KMT2E: variants seen among roughly 807,000 people sequenced by gnomAD.
KMT2E encodes lysine methyltransferase 2E (inactive), also known as histone reader KMT2E.
In KMT2E, 30 loss-of-function variants were observed where a neutral mutation model predicts 184.6. The ratio of observed to expected loss-of-function variants is 0.16; its 90% CI spans 0.12 to 0.22. The LOEUF (loss-of-function observed/expected upper bound fraction) is 0.22, where lower values mean the gene tolerates loss of function less well. Among genes scored for constraint, KMT2E ranks in the 10% least tolerant of loss-of-function variants. The probability of loss-of-function intolerance (pLI) is 1.00; values close to 1 mark genes in which losing one functional copy is unlikely to be tolerated. For synonymous variants in KMT2E, 815 were observed against 776.5 expected, an observed-to-expected ratio of 1.05 and a Z score of -0.82; for missense variants, 2,023 against 2,237.4, an observed-to-expected ratio of 0.90 and a Z score of 1.93.
intron 3 of KMT2E, among the ~76,000 whole-genome samples, chr7:105,042,344 A>C (rs1795917830): frequency 6.8e-6 from 1 of 147,892 alleles, no homozygotes; most frequent in African/African-American, 2.6e-5. Context: ...TTTCGTACTT[A>C]ATCATAAACA....
chr7:105,079,708 A>G (rs1465433536), intron 12 of KMT2E, among the ~76,000 whole-genome samples: 1 of 150,332 alleles, frequency 6.7e-6, no homozygotes, highest in Non-Finnish European at 1.5e-5. Flanking sequence ...AAATTTTTGC[A>G]GAGATGGAGT....
chr7:105,026,001 AC>A (rs1795162357), intron 1 of KMT2E, among the ~76,000 whole-genome samples: 1 of 152,202 alleles, frequency 6.6e-6, no homozygotes. Flanking sequence ...GGAACAAGAA[AC>A]CAGAATTCTA....
chr7:105,042,523 C>T (rs1345780910), intron 3 of KMT2E, among the ~76,000 whole-genome samples: 1 of 152,108 alleles, frequency 6.6e-6, no homozygotes, highest in African/African-American at 2.4e-5. Flanking sequence ...ATAAGAAATG[C>T]AGCTCAAGGA....
intron 13 of KMT2E, among the ~76,000 whole-genome samples, chr7:105,083,235 A>C (rs1349872971): frequency 6.6e-6 from 1 of 152,154 alleles, no homozygotes; most frequent in Non-Finnish European, 1.5e-5. Context: ...CCAGACTTTC[A>C]TGATCTTCTC....
chr7:105,092,076 G>T (rs1216695997), intron 15 of KMT2E, among the ~76,000 whole-genome samples: 1 of 152,098 alleles, frequency 6.6e-6, no homozygotes. Flanking sequence ...GGGTTTCTAT[G>T]TTGTATTCCA....
intron 3 of KMT2E, among the ~76,000 whole-genome samples, chr7:105,058,895 C>G (rs1189315125): frequency 6.6e-6 from 1 of 152,060 alleles, no homozygotes; most frequent in African/African-American, 2.4e-5. Flanking sequence ...GATTTTAGAA[C>G]ATATACATAC....
At chr7:105,047,429 A>G (rs759102088) in intron 3 of KMT2E, among the ~76,000 whole-genome samples, 50 of 152,186 alleles carry the variant, frequency 3.3e-4, no homozygotes, top group Non-Finnish European at 5.7e-4. Context: ...TCTTGTCTGC[A>G]CAGCTGATTT....
At chr7:105,033,822 C>T (rs1160922218) in intron 1 of KMT2E, among the ~76,000 whole-genome samples, 4 of 152,108 alleles carry the variant, frequency 2.6e-5, no homozygotes, top group African/African-American at 9.7e-5. Context: ...GTTCACTGCT[C>T]TGCAGGCTGG....
At chr7:105,103,992 A>C (rs1798783941) in intron 17 of KMT2E, 1 of 151,548 alleles carries the variant, frequency 6.6e-6, no homozygotes, top group Non-Finnish European at 1.5e-5. Context: ...AAAACCAGCT[A>C]ATTTTTTTGT....
intron 3 of KMT2E, among the ~76,000 whole-genome samples, chr7:105,054,772 C>T (rs1043519437): frequency 1.3e-5 from 2 of 152,176 alleles, no homozygotes; most frequent in African/African-American, 4.8e-5. Flanking sequence ...GCCTTGGCCT[C>T]CCAAAGTGCT....
Position 105,112,112 on chromosome 7 carries a change from G to C in KMT2E, c.4356G>C (p.Lys1452Asn). The part of the protein sequence containing the change: ...PPSPHLENPP[K>N]SSTPHTPVQH... ...CACCTCACCTAGAAAATCCTCCAAA[G>C]TCATCCACGCCTCACACACCTGTAC... The change falls in exon 27 of 27, where the codon AAG (lysine) becomes AAC (asparagine). Residue 1452 changes from lysine to asparagine, a missense_variant. Coordinates refer to ENST00000311117, the MANE Select transcript of KMT2E (RefSeq NM_182931.3). 6.2e-7 allele frequency: 1 copy of C among 1,614,068 alleles called. No homozygotes were observed. Among genetic ancestry groups the C allele is most frequent in the Admixed American group, 1.7e-5 (1 of 60,012 alleles).
intron 14 of KMT2E, 76 bp downstream of exon 14, chr7:105,090,349 C>T (rs1179357220): frequency 6.9e-7 from 1 of 1,458,118 alleles, no homozygotes; most frequent in Non-Finnish European, 9.3e-7. Flanking sequence ...CTTCTTTGTT[C>T]TATGTATAAT....
chr7:105,049,927 A>T (rs527483230), intron 3 of KMT2E, among the ~76,000 whole-genome samples: 5 of 152,192 alleles, frequency 3.3e-5, no homozygotes, highest in African/African-American at 1.2e-4. Flanking sequence ...TGTCACTTTT[A>T]AAAAAATTGG....
In KMT2E at chr7:105,107,206, G is replaced by A. The variant is rs370198555; in HGVS notation, c.2888G>A (p.Arg963His). 1.7e-5 allele frequency: 27 copies of A among 1,555,342 alleles called. No homozygotes were observed. The highest frequency in any genetic ancestry group is 1.7e-4 in the Middle Eastern group (1 of 5,896). ...GAAAGTTCTCCAGAAATAAAGAGAC[G>A]CACTTATAGTCAAGAGGTAAGAAGT... ...SPESSPEIKR[R>H]TYSQEGYDRS... The change falls in exon 21 of 27, where the codon CGC (arginine) becomes CAC (histidine). Residue 963 changes from arginine to histidine, a missense_variant. Around this residue, in one of 8 missense-constraint regions of KMT2E, gnomAD observed 514 missense variants for 621.8 expected, o/e 0.83. Coordinates refer to ENST00000311117, the MANE Select transcript of KMT2E (RefSeq NM_182931.3).
At chr7:105,040,098 A>G (rs1417357345) in intron 2 of KMT2E, among the ~76,000 whole-genome samples, 1 of 152,158 alleles carries the variant, frequency 6.6e-6, no homozygotes, top group Non-Finnish European at 1.5e-5. Flanking sequence ...AACTCCTTCA[A>G]CAGTATACCT....
At chr7:105,087,827 T>C (rs1798047035) in intron 13 of KMT2E, among the ~76,000 whole-genome samples, 2 of 150,900 alleles carry the variant, frequency 1.3e-5, no homozygotes, top group Non-Finnish European at 3.0e-5. Flanking sequence ...TTCTTGCTTT[T>C]TTTTTTTTTT....
chr7:105,090,260 T>C lies in KMT2E; in HGVS notation c.1610T>C (p.Val537Ala). 1 of 1,591,616 alleles carries C rather than the reference T, an allele frequency of 6.3e-7. No homozygotes were observed. Among genetic ancestry groups the C allele is most frequent in the Non-Finnish European group, 8.5e-7 (1 of 1,173,956 alleles). The change falls in exon 14 of 27, where the codon GTA (valine) becomes GCA (alanine). Residue 537 changes from valine to alanine, a missense_variant. Coordinates refer to ENST00000311117, the MANE Select transcript of KMT2E (RefSeq NM_182931.3). ...QRKLSPLRLSVSNNQEPDFID... is the reference protein window; with the variant it reads ...QRKLSPLRLSASNNQEPDFID... ...AAGCTTTCTCCACTGAGACTATCAGTATCAAATAATCAGGTACTGAACTCT... is the reference window on the plus strand; with the variant it reads ...AAGCTTTCTCCACTGAGACTATCAGCATCAAATAATCAGGTACTGAACTCT...
intron 23 of KMT2E, 85 bp from the exon 24 acceptor site, chr7:105,110,195 C>A: frequency 9.4e-7 from 1 of 1,068,938 alleles, no homozygotes; most frequent in South Asian, 1.3e-5. Context: ...AAGCCTTGGT[C>A]TGACAGTACA....
At chr7:105,090,749 G>A (rs1030887655) in intron 14 of KMT2E, among the ~76,000 whole-genome samples, 1 of 152,116 alleles carries the variant, frequency 6.6e-6, no homozygotes, top group African/African-American at 2.4e-5. Flanking sequence ...TGCCCCACCA[G>A]TAAATATATT....
Sources: allele counts gnomAD v4.1 joint callset (sites outside exome capture counted in the v4.1 genomes callset), GRCh38; gene constraint gnomAD v4.1.1; regional missense constraint gnomAD v4.1.1; transcripts MANE v1.5; gene names NCBI Gene and HGNC (gene_info 2026-07-23, HGNC 2026-07-21).